ITGA2: variants seen among roughly 807,000 people sequenced by gnomAD.
ITGA2 encodes integrin alpha-2.
ITGA2 carries 101 observed loss-of-function variants against 146.3 expected under a neutral mutation model. The observed-to-expected ratio is 0.69, with a 90% CI of 0.59 to 0.81. ITGA2 has a LOEUF of 0.81. Among genes scored for constraint, ITGA2 ranks in the 40% least tolerant of loss-of-function variants. ITGA2 has a pLI of 0.00. For synonymous variants in ITGA2, 477 were observed against 487.1 expected (o/e 0.98, Z 0.27); for missense variants, 1,281 against 1,402.7 (o/e 0.91, Z 1.39).
chr5:53,072,304 G>A (rs1417920713), intron 18 of ITGA2, among the ~76,000 whole-genome samples: 1 of 151,432 alleles, frequency 6.6e-6, no homozygotes, highest in Non-Finnish European at 1.5e-5. Flanking sequence ...TATATTTGTT[G>A]AATAAATAAA....
chr5:53,060,971 T>G lies in ITGA2; in HGVS notation c.1383T>G (p.Tyr461Ter). ...TTGCTGGTGCTCCTCGGGCAAATTA[T>G]ACCGGCCAGATAGTGCTATATAGTG... is the stretch of plus-strand genomic sequence containing the variant. ...HFVAGAPRAN[Y>*]TGQIVLYSVN... Residue 461 changes from tyrosine (Y) to a stop codon, truncating the protein, a stop_gained, in exon 12 of 30, where the codon TAT (tyrosine) becomes TAG (stop). Coordinates refer to ENST00000296585, the MANE Select transcript of ITGA2 (RefSeq NM_002203.4). LOFTEE classifies it high-confidence loss of function. 3 of 1,612,516 alleles carry G rather than the reference T, an allele frequency of 1.9e-6. No homozygotes were observed. The highest frequency in any genetic ancestry group is 2.5e-6 in the Non-Finnish European group (3 of 1,178,948).
chr5:53,046,866 C>A (rs926196661), intron 4 of ITGA2, among the ~76,000 whole-genome samples: 2 of 152,014 alleles, frequency 1.3e-5, no homozygotes, highest in Non-Finnish European at 2.9e-5. Flanking sequence ...CTGGCACTTA[C>A]AATTGGCATA....
chr5:53,071,970 G>T lies in ITGA2; in HGVS notation c.2268G>T (p.Leu756Phe). 1.9e-6 allele frequency: 3 copies of T among 1,612,330 alleles called. No homozygotes were observed. The South Asian group carries it at 3.3e-5, about 18-fold the overall frequency. The change falls in exon 18 of 30, where the codon TTG becomes TTT. Residue 756 changes from leucine to phenylalanine, a missense_variant. By Grantham distance (22) the Leu-to-Phe change is conservative. Coordinates refer to ENST00000296585, the MANE Select transcript of ITGA2 (RefSeq NM_002203.4). ...EPSDVVNSLD[L>F]RVDISLENPG... The stretch of plus-strand genomic sequence containing the variant: ...CTGATGTTGTCAACTCTTTGGATTT[G>T]CGTGTGGACATCAGTCTGGAAAACC...
chr5:53,048,555 C>A, intron 5 of ITGA2, 78 bp downstream of exon 5: 13 of 1,609,022 alleles, frequency 8.1e-6, no homozygotes, highest in Non-Finnish European at 1.1e-5. Context: ...ACTAGTGGCA[C>A]CCAAACCCTC....
chr5:53,045,198 C>T, intron 4 of ITGA2, 106 bp downstream of exon 4: 1 of 881,760 alleles, frequency 1.1e-6, no homozygotes, highest in Non-Finnish European at 1.9e-6. Flanking sequence ...TTAGAACTTG[C>T]TTTTTGATAA....
At chr5:53,012,642 A>G (rs1742193010) in intron 1 of ITGA2, among the ~76,000 whole-genome samples, 1 of 152,066 alleles carries the variant, frequency 6.6e-6, no homozygotes, top group South Asian at 2.1e-4. Flanking sequence ...GGGTCAAATG[A>G]TAATTGTGTT....
intron 4 of ITGA2, among the ~76,000 whole-genome samples, chr5:53,046,125 A>C (rs1436021957): frequency 4.0e-5 from 6 of 151,244 alleles, no homozygotes; most frequent in Non-Finnish European, 8.8e-5. Flanking sequence ...CAGGAGGCAA[A>C]AGTTGCATGC....
Position 53,026,825 on chromosome 5 carries a change from T to C in ITGA2, c.142T>C (p.Phe48Leu). 6.2e-7 allele frequency: 1 copy of C among 1,613,638 alleles called. No individual in the cohort carries two copies. The highest frequency in any genetic ancestry group is 8.5e-7 in the Non-Finnish European group (1 of 1,179,588). The change falls in exon 2 of 30, where the codon TTT becomes CTT. Residue 48 changes from phenylalanine (F) to leucine (L), a missense_variant. Physicochemically the swap from Phe to Leu is conservative, Grantham distance 22 (BLOSUM62 0). This residue lies in a region of ITGA2 where 795 missense variants were observed against 841.7 expected (regional missense o/e 0.94). Coordinates refer to ENST00000296585, the MANE Select transcript of ITGA2 (RefSeq NM_002203.4). ...ATTTTCCGGTCCTTCAAGTGAACAG[T>C]TTGGCTATGCAGTGCAGCAGTTTAT... ...KIFSGPSSEQFGYAVQQFINP... is the reference protein window; with the variant it reads ...KIFSGPSSEQLGYAVQQFINP...
chr5:53,074,761 A>G (rs1441665875), intron 21 of ITGA2, among the ~76,000 whole-genome samples: 1 of 151,988 alleles, frequency 6.6e-6, no homozygotes, highest in African/African-American at 2.4e-5. Context: ...AGTCACAGAG[A>G]TCATTTATTA....
At chr5:53,049,174 G>A (rs1014018488) in intron 6 of ITGA2, among the ~76,000 whole-genome samples, 1 of 152,028 alleles carries the variant, frequency 6.6e-6, no homozygotes, top group African/African-American at 2.4e-5. Context: ...ACCACACCCA[G>A]CTAATTTTTG....
At chr5:53,049,372 C>T (rs1053966688) in intron 6 of ITGA2, among the ~76,000 whole-genome samples, 1 of 152,122 alleles carries the variant, frequency 6.6e-6, no homozygotes, top group Non-Finnish European at 1.5e-5. Flanking sequence ...CCATGAGTTA[C>T]ATTTTAAAAT....
At chr5:53,035,861 C>G (rs1487267207) in intron 2 of ITGA2, among the ~76,000 whole-genome samples, 3 of 152,052 alleles carry the variant, frequency 2.0e-5, no homozygotes, top group African/African-American at 7.2e-5. Context: ...AGTTTCTAAT[C>G]CAAAGTAAAA....
chr5:52,994,798 G>A, intron 1 of ITGA2, among the ~76,000 whole-genome samples: 1 of 152,072 alleles, frequency 6.6e-6, no homozygotes, highest in Non-Finnish European at 1.5e-5. Flanking sequence ...AGTTTCCATA[G>A]CATAATAGAT....
At chr5:53,021,228 G>A (rs571999340) in intron 1 of ITGA2, among the ~76,000 whole-genome samples, 4 of 151,378 alleles carry the variant, frequency 2.6e-5, no homozygotes, top group South Asian at 2.1e-4. Context: ...GCATATTCAC[G>A]CCCCTAATCT....
intron 16 of ITGA2, among the ~76,000 whole-genome samples, chr5:53,067,797 G>C (rs1016913199): frequency 2.6e-5 from 4 of 151,908 alleles, no homozygotes; most frequent in African/African-American, 9.7e-5. Flanking sequence ...TGTCTCATCA[G>C]ATGGGGAAGG....
chr5:53,019,166 TAA>T (rs2111779671), intron 1 of ITGA2, among the ~76,000 whole-genome samples: 1 of 152,244 alleles, frequency 6.6e-6, no homozygotes, highest in South Asian at 2.1e-4. Flanking sequence ...AATTTTAAAA[TAA>T]GTTGAATTAT....
At chr5:53,033,148 A>G (rs1743314700) in intron 2 of ITGA2, among the ~76,000 whole-genome samples, 1 of 152,160 alleles carries the variant, frequency 6.6e-6, no homozygotes, top group Non-Finnish European at 1.5e-5. Context: ...AGGCACCTGT[A>G]ATCCCAGCTC....
In ITGA2 at chr5:53,064,936, C is replaced by T. The variant is rs1171456437; in HGVS notation, c.1627C>T (p.Leu543Phe). 6.2e-7 allele frequency: 1 copy of T among 1,612,728 alleles called. No individual in the cohort carries two copies. Among genetic ancestry groups the T allele is most frequent in the Non-Finnish European group, 8.5e-7 (1 of 1,179,120 alleles). ...GGGCATTTTGGGTCAGCACCAATTT[C>T]TTGAAGGCCCCGAGGGCATTGAAAA... is the stretch of plus-strand genomic sequence containing the variant. ...KEGILGQHQF[L>F]EGPEGIENTR... Residue 543 changes from leucine (L) to phenylalanine (F), a missense_variant, in exon 14 of 30, where the codon CTT (leucine) becomes TTT (phenylalanine). Coordinates refer to ENST00000296585, the MANE Select transcript of ITGA2 (RefSeq NM_002203.4).
rs3839264 is a variant in ITGA2, at chr5:52,991,417, TAC to T, written c.64+1901_64+1902del. 6.0e-3 allele frequency among the ~76,000 whole-genome samples: 904 copies of T among 150,526 alleles called. 15 individuals are homozygous for T. Among genetic ancestry groups the T allele is most frequent in the East Asian group, 0.056 (291 of 5,156 alleles). Reference sequence around the variant, plus strand: ...TATAAAATTTCTCATTCACTATCATTACACACACACACACACATAACTGTTAT... The same window carrying T: ...TATAAAATTTCTCATTCACTATCATTACACACACACACACATAACTGTTAT... On this transcript the variant is annotated intron_variant, in intron 1 of 29. Coordinates refer to ENST00000296585, the MANE Select transcript of ITGA2 (RefSeq NM_002203.4).
Sources: gnomAD v4.1 joint callset for allele counts (sites outside exome capture counted in the v4.1 genomes callset) on GRCh38, gnomAD v4.1.1 for gene constraint, gnomAD v4.1.1 regional missense constraint, MANE v1.5 for transcripts, NCBI Gene and HGNC (gene_info 2026-07-23, HGNC 2026-07-21) for gene names.